The following ADGRL4 variants were observed in gnomAD, a reference collection of about 807,000 sequenced individuals.
ADGRL4 encodes the protein adhesion G protein-coupled receptor L4.
Under a neutral mutation model 74.8 loss-of-function variants are expected in ADGRL4, and 90 were observed. That is an observed-to-expected ratio of 1.20 (90% CI 1.02 to 1.43). ADGRL4 has a LOEUF of 1.43. Ranked by LOEUF, ADGRL4 falls within the 40% of genes most tolerant of loss-of-function variation. ADGRL4 has a pLI of 0.00. For synonymous variants in ADGRL4, 311 were observed against 279.2 expected (o/e 1.11, Z -1.14); for missense variants, 881 against 814.3 (o/e 1.08, Z -1.00).
chr1:78,893,518 T>C (rs79049580), intron 12 of ADGRL4, among the ~76,000 whole-genome samples: 6,082 of 151,980 alleles, frequency 0.04, 150 homozygotes, highest in Middle Eastern at 0.058. Context: ...GTAATTTCTA[T>C]ACTGTTTCTT....
intron 2 of ADGRL4, among the ~76,000 whole-genome samples, chr1:78,952,566 AAAG>A (rs1649752736): frequency 6.6e-6 from 1 of 152,096 alleles, no homozygotes; most frequent in African/African-American, 2.4e-5. Context: ...AAAGAAAAAA[AAAG>A]AACTACAATG....
intron 9 of ADGRL4, among the ~76,000 whole-genome samples, chr1:78,921,359 T>A (rs1350754524): frequency 2.0e-5 from 3 of 150,026 alleles, no homozygotes; most frequent in African/African-American, 7.4e-5. Context: ...GCTAATTTAA[T>A]ATGTAATCTA....
In ADGRL4 at chr1:78,917,956, A is replaced by G. The variant is rs1259161233; in HGVS notation, c.1556T>C (p.Val519Ala). 2 of 1,612,744 alleles carry G rather than the reference A, an allele frequency of 1.2e-6. No individual in the cohort carries two copies. The highest frequency in any genetic ancestry group is 1.7e-5 in the Admixed American group (1 of 59,866). ...CIEGIHLYLI[V>A]VGVIYNKGFL... is the part of the protein sequence containing the mutation. The stretch of plus-strand genomic sequence containing the variant: ...TCCCTTGTTGTAGATGACACCCACA[A>G]CAATGAGATAGAGATGTATGCCTTC... The change falls in exon 11 of 15, where the codon GTT becomes GCT. Residue 519 changes from valine to alanine, a missense_variant. By Grantham distance (64) the Val-to-Ala change is moderately conservative. Coordinates refer to ENST00000370742, the MANE Select transcript of ADGRL4 (RefSeq NM_022159.4).
At chr1:78,974,909 G>A (rs984435859) in intron 2 of ADGRL4, among the ~76,000 whole-genome samples, 1 of 152,114 alleles carries the variant, frequency 6.6e-6, no homozygotes, top group Non-Finnish European at 1.5e-5. Flanking sequence ...ATTCCATAGA[G>A]AATATTATTT....
intron 12 of ADGRL4, among the ~76,000 whole-genome samples, chr1:78,911,212 G>T (rs1570220451): frequency 6.6e-6 from 1 of 151,930 alleles, no homozygotes; most frequent in East Asian, 1.9e-4. Flanking sequence ...TGGATAAACT[G>T]TAAGGATTCC....
intron 2 of ADGRL4, among the ~76,000 whole-genome samples, chr1:78,991,416 C>T (rs185805992): frequency 4.7e-4 from 72 of 152,090 alleles, no homozygotes; most frequent in Admixed American, 7.9e-4. Context: ...GCAATTCTTT[C>T]TCCTGTGTAA....
chr1:78,895,770 T>C (rs1316774970), intron 12 of ADGRL4, among the ~76,000 whole-genome samples: 1 of 151,922 alleles, frequency 6.6e-6, no homozygotes, highest in Non-Finnish European at 1.5e-5. Context: ...CAGGGACAAT[T>C]ATCACTTAGA....
chr1:78,903,055 C>A (rs538399352), intron 12 of ADGRL4, among the ~76,000 whole-genome samples: 7 of 152,038 alleles, frequency 4.6e-5, no homozygotes, highest in Admixed American at 2.0e-4. Flanking sequence ...TATTTTCCCA[C>A]GGAAAAATTA....
At chr1:78,939,506 G>A (rs963635123) in intron 3 of ADGRL4, 2 of 247,562 alleles carry the variant, frequency 8.1e-6, no homozygotes, top group Non-Finnish European at 1.4e-5. Flanking sequence ...AAAAAAAATA[G>A]GCTTTCATTT....
rs150953280 is a variant in ADGRL4 at position 78,986,506 on chromosome 1, G to A, written c.172+18564C>T. On this transcript the variant is annotated intron_variant, in intron 2 of 14. Transcript: ENST00000370742. ...TTGGTACATAGACACAGCTACTCTG[G>A]AGGCTGAGAAGAAAGAATCACCTGA... 2.5e-3 allele frequency among the ~76,000 whole-genome samples: 387 copies of A among 151,854 alleles called. 2 individuals carry two copies. The highest frequency in any genetic ancestry group is 8.9e-3 in the African/African-American group (371 of 41,478).
At chr1:78,918,142 T>C in intron 10 of ADGRL4, 92 bp from the exon 11 acceptor site, 1 of 986,590 alleles carries the variant, frequency 1.0e-6, no homozygotes, top group Non-Finnish European at 1.5e-6. Context: ...AAATCACAAC[T>C]TTCTTTATAC....
chr1:78,897,812 C>G (rs909290265), intron 12 of ADGRL4, among the ~76,000 whole-genome samples: 1 of 152,046 alleles, frequency 6.6e-6, no homozygotes, highest in Admixed American at 6.6e-5. Flanking sequence ...CCCAGTTACC[C>G]CTAATGTCAT....
chr1:78,939,960 CT>C (rs1449680565), intron 3 of ADGRL4, among the ~76,000 whole-genome samples: 29 of 152,130 alleles, frequency 1.9e-4, no homozygotes, highest in African/African-American at 6.0e-4. Context: ...GATGCATATA[CT>C]TTTTAACTTT....
intron 3 of ADGRL4, among the ~76,000 whole-genome samples, chr1:78,945,177 A>AAAAAAAAAAAAATATATAT (rs376405445): frequency 7.8e-5 from 10 of 127,926 alleles, no homozygotes; most frequent in East Asian, 5.5e-4. Flanking sequence ...AAAAAAAAAA[A>AAAAAAAAAAAAATATATAT]ATATATATAT....
intron 2 of ADGRL4, among the ~76,000 whole-genome samples, chr1:78,959,298 T>C (rs892636979): frequency 3.3e-5 from 5 of 152,088 alleles, no homozygotes; most frequent in African/African-American, 1.2e-4. Context: ...TCAAAGAAAC[T>C]AAAATTAAAA....
At chr1:78,957,959 T>C (rs1299665482) in intron 2 of ADGRL4, among the ~76,000 whole-genome samples, 1 of 152,130 alleles carries the variant, frequency 6.6e-6, no homozygotes, top group East Asian at 1.9e-4. Context: ...CATTTACCAT[T>C]CCAAATATCC....
chr1:78,955,560 T>C (rs1649811989), intron 2 of ADGRL4, among the ~76,000 whole-genome samples: 1 of 152,058 alleles, frequency 6.6e-6, no homozygotes, highest in Admixed American at 6.6e-5. Flanking sequence ...CTTTGTTTTT[T>C]TTCCTACAAT....
chr1:78,938,148 CT>C lies in ADGRL4; in HGVS notation c.527del (p.Lys176ArgfsTer20). 1 of 1,613,004 alleles carries C rather than the reference CT, an allele frequency of 6.2e-7. No homozygotes were observed. Among genetic ancestry groups the C allele is most frequent in the Non-Finnish European group, 8.5e-7 (1 of 1,179,610 alleles). ...LAESSSLLGY[K>X]NNTISAKDTL... is the part of the protein sequence containing the mutation. ...TGTCCTTGGCTGAGATAGTGTTGTT[CT>C]TGTAACCTAGTAATGAAGATGATTC... On this transcript the variant is annotated frameshift_variant, in exon 5 of 15. Coordinates refer to ENST00000370742, the MANE Select transcript of ADGRL4 (RefSeq NM_022159.4). LOFTEE classifies it high-confidence loss of function.
At chr1:78,944,750 G>A (rs1011420123) in intron 3 of ADGRL4, among the ~76,000 whole-genome samples, 3 of 152,164 alleles carry the variant, frequency 2.0e-5, no homozygotes, top group African/African-American at 7.2e-5. Context: ...TGAATCTAGA[G>A]TAGTCCTTTA....
Sources: gnomAD v4.1 joint callset for allele counts (sites outside exome capture counted in the v4.1 genomes callset) on GRCh38, gnomAD v4.1.1 for gene constraint, MANE v1.5 for transcripts, NCBI Gene and HGNC (gene_info 2026-07-23, HGNC 2026-07-21) for gene names.